Variants in RPS6KA2 observed in about 807,000 individuals in gnomAD.
The protein encoded by RPS6KA2 is ribosomal protein S6 kinase alpha-2.
A neutral mutation model predicts 91.8 loss-of-function variants in RPS6KA2; 42 were observed. The observed-to-expected ratio is 0.46, with a 90% CI of 0.36 to 0.59. The LOEUF is 0.59. RPS6KA2 is among the 20% of genes least tolerant of loss of function. The pLI is 0.00. For missense variants in RPS6KA2, 798 were observed against 978.5 expected (o/e 0.82, Z 2.46); for synonymous variants, 414 against 393.6 (o/e 1.05, Z -0.61).
chr6:166,649,656 TC>T (rs1450686914), intron 2 of RPS6KA2, among the ~76,000 whole-genome samples: 1 of 152,154 alleles, frequency 6.6e-6, no homozygotes, highest in Non-Finnish European at 1.5e-5. Context: ...CAACCCCCAC[TC>T]CCAGGGCAAG....
chr6:166,447,009 C>G (rs1481089537), intron 14 of RPS6KA2, among the ~76,000 whole-genome samples: 1 of 152,210 alleles, frequency 6.6e-6, no homozygotes, highest in Non-Finnish European at 1.5e-5. Context: ...ACTGGAACAT[C>G]TGGACACAGG....
chr6:166,454,171 A>C (rs1233399720), intron 12 of RPS6KA2, among the ~76,000 whole-genome samples: 1 of 152,200 alleles, frequency 6.6e-6, no homozygotes, highest in African/African-American at 2.4e-5. Context: ...CCCATGAACA[A>C]AACTACATCT....
intron 1 of RPS6KA2, among the ~76,000 whole-genome samples, chr6:166,548,464 C>T (rs189782633): frequency 6.6e-6 from 1 of 152,288 alleles, no homozygotes; most frequent in Non-Finnish European, 1.5e-5. Context: ...CTACAGTAAT[C>T]AAGATGGTGT....
intron 1 of RPS6KA2, among the ~76,000 whole-genome samples, chr6:166,583,490 C>A (rs1334989830): frequency 6.6e-6 from 1 of 152,228 alleles, no homozygotes; most frequent in Non-Finnish European, 1.5e-5. Context: ...ATCCTGCGCA[C>A]CTTCTCTGAG....
chr6:166,794,658 T>C (rs1193600129), intron 2 of RPS6KA2, among the ~76,000 whole-genome samples: 1 of 150,634 alleles, frequency 6.6e-6, no homozygotes, highest in African/African-American at 2.5e-5. Context: ...ATATACACCA[T>C]GGAATACTAT....
Position 166,665,517 on chromosome 6 carries a change from G to A in RPS6KA2, c.124-126733C>T, listed in dbSNP as rs1438551621. Among the ~76,000 whole-genome samples the A allele has an allele frequency of 1.3e-5, 2 of 151,586 alleles. No homozygotes were observed. Among genetic ancestry groups the A allele is most frequent in the East Asian group, 3.9e-4 (2 of 5,144 alleles). Reference sequence around the variant, plus strand: ...ACCCCCATGTGACTTCCCCACCTTTGTGGCGCATGGTATGAAGAGTACAGG... The same window carrying A: ...ACCCCCATGTGACTTCCCCACCTTTATGGCGCATGGTATGAAGAGTACAGG... On this transcript the variant is annotated intron_variant, in intron 2 of 21. Coordinates refer to the RPS6KA2 transcript ENST00000503859. This position sits in a 1 kb window ranked among gnomAD's most constrained non-coding sequence, Gnocchi z 4.5.
intron 2 of RPS6KA2, among the ~76,000 whole-genome samples, chr6:166,651,970 G>A (rs1470176336): frequency 6.6e-6 from 1 of 152,278 alleles, no homozygotes; most frequent in Non-Finnish European, 1.5e-5. Flanking sequence ...CCTTCTCCAA[G>A]TGAGTTCTCG....
intron 3 of RPS6KA2, among the ~76,000 whole-genome samples, chr6:166,529,517 A>T (rs1191135446): frequency 6.6e-6 from 1 of 152,160 alleles, no homozygotes; most frequent in Admixed American, 6.5e-5. Context: ...ACATGTATAC[A>T]TATGTAACAA....
rs542833273 is a variant in RPS6KA2 at position 166,854,822 on chromosome 6, A to T, written c.123+3378T>A. ...AAACTAAAAACAGAACTACCATTTG[A>T]TCCATAATCCCACTACTAGGTATCT... is the stretch of plus-strand genomic sequence containing the variant. On this transcript the variant is annotated intron_variant, in intron 2 of 21. Coordinates refer to the RPS6KA2 transcript ENST00000503859. 6.6e-5 allele frequency among the ~76,000 whole-genome samples: 10 copies of T among 152,346 alleles called. No individual in the cohort carries two copies. The South Asian group carries it at 2.1e-3, about 32-fold the overall frequency.
intron 12 of RPS6KA2, 142 bp from the exon 13 acceptor site, chr6:166,451,375 T>G: frequency 1.2e-6 from 1 of 834,592 alleles, no homozygotes; most frequent in Non-Finnish European, 1.9e-6. Context: ...GGCGTATGCC[T>G]GTGGTGGAGG....
At chr6:166,655,819 T>C (rs1214824709) in intron 2 of RPS6KA2, among the ~76,000 whole-genome samples, 2 of 152,066 alleles carry the variant, frequency 1.3e-5, no homozygotes, top group Admixed American at 6.5e-5. Context: ...TCTCATCAGG[T>C]TGAAGATGTG....
chr6:166,633,777 T>A (rs1205891709), intron 2 of RPS6KA2, among the ~76,000 whole-genome samples: 1 of 152,200 alleles, frequency 6.6e-6, no homozygotes, highest in East Asian at 1.9e-4. Flanking sequence ...CATTTCATGA[T>A]CTCTTCCTCT....
At chr6:166,715,013 C>G (rs1789972206) in intron 2 of RPS6KA2, among the ~76,000 whole-genome samples, 1 of 152,258 alleles carries the variant, frequency 6.6e-6, no homozygotes, top group Admixed American at 6.5e-5. Flanking sequence ...CCTGAGGAAA[C>G]TCCCTCTCCA....
At position 166,706,132 on chromosome 6, in the gene RPS6KA2, C is replaced by A. The variant is rs1029600616; in HGVS notation, c.123+152068G>T. On this transcript the variant is annotated intron_variant, in intron 2 of 21. Coordinates refer to the RPS6KA2 transcript ENST00000503859. ...AATTTCTGTTGTTTATAAGCCACTC[C>A]GTTTATCGTTTTTCATTACAGCATC... 3.3e-5 allele frequency among the ~76,000 whole-genome samples: 5 copies of A among 152,274 alleles called. No individual in the cohort carries two copies. The South Asian group carries it at 1.0e-3, about 32-fold the overall frequency.
rs143793496 is a variant in RPS6KA2, at chr6:166,478,818, G to A, written c.908-8913C>T. Among the ~76,000 whole-genome samples the A allele has an allele frequency of 3.9e-4, 59 of 152,268 alleles. 1 individual carries two copies. Among genetic ancestry groups the A allele is most frequent in the Non-Finnish European group, 6.9e-4 (47 of 68,022 alleles). On this transcript the variant is annotated intron_variant, in intron 10 of 20. Coordinates refer to ENST00000265678, the MANE Select transcript of RPS6KA2 (RefSeq NM_021135.6). Reference sequence around the variant, plus strand: ...GTTTACTCGTCAGACCCATTACAGTGCTTCCCACCCATCAGGCACTGCTCT... The same window carrying A: ...GTTTACTCGTCAGACCCATTACAGTACTTCCCACCCATCAGGCACTGCTCT...
chr6:166,604,005 G>A (rs1250887798), intron 1 of RPS6KA2, among the ~76,000 whole-genome samples: 1 of 152,178 alleles, frequency 6.6e-6, no homozygotes, highest in Non-Finnish European at 1.5e-5. Context: ...AAAAGGGCGA[G>A]ACTATGAAAC....
chr6:166,814,573 C>G (rs1779715332), intron 2 of RPS6KA2, among the ~76,000 whole-genome samples: 1 of 152,238 alleles, frequency 6.6e-6, no homozygotes, highest in South Asian at 2.1e-4. Flanking sequence ...ACTGCCTGGG[C>G]TCCGCCACCT....
rs1019391904 is a variant in RPS6KA2, at chr6:166,809,679, G to A, written c.123+48521C>T. On this transcript the variant is annotated intron_variant, in intron 2 of 21. Coordinates refer to the RPS6KA2 transcript ENST00000503859. ...TGTCAGACTGACAAATTAGGATGCT[G>A]GGTGGTACCAGGGACTAAGGCAGGC... Among the ~76,000 whole-genome samples, 3 of 152,342 alleles carry A rather than the reference G, an allele frequency of 2.0e-5. No homozygotes were observed. The South Asian group carries it at 6.2e-4, about 32-fold the overall frequency.
chr6:166,527,110 C>T (rs1435452883), intron 3 of RPS6KA2, among the ~76,000 whole-genome samples: 1 of 152,180 alleles, frequency 6.6e-6, no homozygotes, highest in Admixed American at 6.5e-5. Context: ...CCAAGGTCAG[C>T]CCTGAGGGAG....
Sources: gnomAD v4.1 joint callset for allele counts (sites outside exome capture counted in the v4.1 genomes callset) on GRCh38, gnomAD v4.1.1 for gene constraint, Gnocchi (gnomAD v3.1) non-coding constraint, MANE v1.5 for transcripts, NCBI Gene and HGNC (gene_info 2026-07-23, HGNC 2026-07-21) for gene names.